Variants in RBFOX1 observed in about 807,000 individuals in gnomAD.
RBFOX1 encodes the protein RNA binding fox-1 homolog 1.
In RBFOX1, 8 loss-of-function variants were observed where a neutral mutation model predicts 57.7. The observed-to-expected ratio is 0.14, with a 90% CI of 0.08 to 0.25. RBFOX1 has a LOEUF of 0.25. Ranked by LOEUF, RBFOX1 falls within the 10% of genes least tolerant of loss-of-function variation. RBFOX1 has a pLI of 1.00. For synonymous variants in RBFOX1, 326 were observed against 222.4 expected (o/e 1.47, Z -4.15); for missense variants, 611 against 548.5 (o/e 1.11, Z -1.14).
intron 4 of RBFOX1, among the ~76,000 whole-genome samples, chr16:7,311,926 GT>G (rs911823953): frequency 3.3e-5 from 5 of 151,806 alleles, no homozygotes; most frequent in South Asian, 2.1e-4. Flanking sequence ...GAGCAAGATA[GT>G]TTTTTTTTGT....
intron 2 of RBFOX1, among the ~76,000 whole-genome samples, chr16:6,344,930 G>C (rs911791640): frequency 5.9e-5 from 9 of 151,872 alleles, no homozygotes; most frequent in African/African-American, 1.9e-4. Flanking sequence ...GCCTCCCAAA[G>C]GGAGGATTAC....
intron 3 of RBFOX1, among the ~76,000 whole-genome samples, chr16:5,727,755 A>T (rs887948309): frequency 1.3e-5 from 2 of 152,186 alleles, no homozygotes; most frequent in African/African-American, 4.8e-5. Flanking sequence ...TGGTGTTATC[A>T]TGGCTCACTG....
intron 1 of RBFOX1, among the ~76,000 whole-genome samples, chr16:5,330,168 A>G (rs1272206661): frequency 6.6e-6 from 1 of 152,094 alleles, no homozygotes; most frequent in East Asian, 1.9e-4. Flanking sequence ...CTGGGTTGCA[A>G]TTTCAACATA....
chr16:6,438,528 A>T (rs987437941), intron 2 of RBFOX1, among the ~76,000 whole-genome samples: 8 of 152,146 alleles, frequency 5.3e-5, no homozygotes, highest in African/African-American at 1.7e-4. Context: ...TTGGTAGTGG[A>T]CTGGGATCCT....
chr16:6,317,068 C>A lies in RBFOX1; in HGVS notation c.-64+11C>A. 1 of 1,531,242 alleles carries A rather than the reference C, an allele frequency of 6.5e-7. No homozygotes were observed. The highest frequency in any genetic ancestry group is 8.8e-7 in the Non-Finnish European group (1 of 1,142,678). 94.9% of individuals were successfully genotyped at this position (1,531,242 alleles called of 1,614,324 possible). ...CGGACTCAGCATTCAGTAAGTGCAA[C>A]CCATTTTGAACATTCATTCCATAAA... On this transcript the variant is annotated intron_variant, in intron 2 of 15. Transcript: ENST00000550418.
At chr16:6,644,607 C>G (rs531626319) in intron 2 of RBFOX1, among the ~76,000 whole-genome samples, 1 of 152,294 alleles carries the variant, frequency 6.6e-6, no homozygotes, top group African/African-American at 2.4e-5. Flanking sequence ...ATGCTGTGCC[C>G]AGGATATGTG....
chr16:7,058,789 C>G lies in RBFOX1; in HGVS notation c.27+6691C>G, dbSNP rs189376679. On this transcript the variant is annotated intron_variant, in intron 4 of 15. Coordinates refer to ENST00000550418, the MANE Select transcript of RBFOX1 (RefSeq NM_018723.4). ...ATTTACCGTGGCAATACAAAGTTTC[C>G]TTGGCACACATCGTATTTTATGTTC... 5.4e-4 allele frequency among the ~76,000 whole-genome samples: 82 copies of G among 152,158 alleles called. 1 individual carries two copies. Among genetic ancestry groups the G allele is most frequent in the African/African-American group, 1.9e-3 (80 of 41,506 alleles).
chr16:7,351,051 C>T (rs1239458164), intron 4 of RBFOX1, among the ~76,000 whole-genome samples: 1 of 152,200 alleles, frequency 6.6e-6, no homozygotes, highest in African/African-American at 2.4e-5. Flanking sequence ...CATCACAGGA[C>T]AGTTCTGTCT....
intron 4 of RBFOX1, among the ~76,000 whole-genome samples, chr16:7,229,584 GGAGA>G (rs890415306): frequency 1.5e-5 from 2 of 136,052 alleles, no homozygotes; most frequent in Admixed American, 7.0e-5. Context: ...AAGGAGAAAG[GGAGA>G]GAGAGGAAGG....
intron 14 of RBFOX1, among the ~76,000 whole-genome samples, chr16:7,691,218 C>G (rs891133883): frequency 2.7e-5 from 4 of 149,040 alleles, no homozygotes; most frequent in Non-Finnish European, 6.0e-5. Context: ...TGCCTTGAAA[C>G]AGATGTGAAT....
chr16:7,493,584 G>GAGTC lies in RBFOX1; in HGVS notation c.28-24560_28-24557dup, dbSNP rs1336148856. ...GGGGGAACACAGAGGTGTAGAGTCA[G>GAGTC]AGTCAGAGAGGAAGAAAATGTAATA... On this transcript the variant is annotated intron_variant, in intron 4 of 15. Transcript: ENST00000550418. Among the ~76,000 whole-genome samples, 3 of 152,174 alleles carry GAGTC rather than the reference G, an allele frequency of 2.0e-5. No homozygotes were observed. In the East Asian group the frequency reaches 5.8e-4, roughly 29 times the overall value.
intron 2 of RBFOX1, among the ~76,000 whole-genome samples, chr16:5,497,590 A>G (rs2151687694): frequency 6.7e-6 from 1 of 148,658 alleles, no homozygotes; most frequent in East Asian, 1.9e-4. Flanking sequence ...CAGCTTGGCC[A>G]ACGCGGTGAA....
At chr16:5,389,225 T>C (rs1164964945) in intron 1 of RBFOX1, among the ~76,000 whole-genome samples, 1 of 150,586 alleles carries the variant, frequency 6.6e-6, no homozygotes. Flanking sequence ...AGGTAAGGTA[T>C]GATTTTTGTG....
At chr16:7,593,504 A>C (rs2094544997) in intron 7 of RBFOX1, among the ~76,000 whole-genome samples, 1 of 152,232 alleles carries the variant, frequency 6.6e-6, no homozygotes, top group Non-Finnish European at 1.5e-5. Flanking sequence ...TCTTAAATGA[A>C]TCAGATAATT....
At position 5,424,498 on chromosome 16, in the gene RBFOX1, C is replaced by T. The variant is rs1045443744; in HGVS notation, c.220-42718C>T. Among the ~76,000 whole-genome samples, 7 of 150,474 alleles carry T rather than the reference C, an allele frequency of 4.7e-5. No individual in the cohort carries two copies. The East Asian group carries it at 5.9e-4, about 13-fold the overall frequency. On this transcript the variant is annotated intron_variant, in intron 1 of 2. Transcript: ENST00000585867. Reference sequence around the variant, plus strand: ...AGATAGGCCAGGGGCCCAGCACTTACGAGGATTCTAAAGATGGGTGGCGTT... The same window carrying T: ...AGATAGGCCAGGGGCCCAGCACTTATGAGGATTCTAAAGATGGGTGGCGTT...
At chr16:7,016,899 A>C (rs1018795724) in intron 3 of RBFOX1, among the ~76,000 whole-genome samples, 44 of 152,256 alleles carry the variant, frequency 2.9e-4, no homozygotes, top group African/African-American at 1.0e-3. Flanking sequence ...GACCCTGTGT[A>C]CCAACCTTGA....
chr16:5,774,295 G>T (rs1218373267), intron 3 of RBFOX1, among the ~76,000 whole-genome samples: 2 of 152,184 alleles, frequency 1.3e-5, no homozygotes, highest in African/African-American at 2.4e-5. Context: ...TCTGTTTCTG[G>T]ATTAATAACA....
At chr16:6,515,149 C>A (rs1290047099) in intron 2 of RBFOX1, among the ~76,000 whole-genome samples, 1 of 152,148 alleles carries the variant, frequency 6.6e-6, no homozygotes, top group African/African-American at 2.4e-5. Flanking sequence ...GTCCTGTGGT[C>A]AGACCTTGAC....
chr16:6,760,571 T>A (rs2076459989), intron 3 of RBFOX1, among the ~76,000 whole-genome samples: 1 of 152,178 alleles, frequency 6.6e-6, no homozygotes, highest in Non-Finnish European at 1.5e-5. Context: ...TTCTCGACAG[T>A]TTAGCATTTG....
Sources: gnomAD v4.1 joint callset for allele counts (sites outside exome capture counted in the v4.1 genomes callset) on GRCh38, gnomAD v4.1.1 for gene constraint, MANE v1.5 for transcripts, NCBI Gene and HGNC (gene_info 2026-07-23, HGNC 2026-07-21) for gene names.